Variants in MFSD12 observed in about 807,000 individuals in gnomAD.
The protein encoded by MFSD12 is major facilitator superfamily domain containing 12.
In MFSD12, 67 loss-of-function variants were observed where a neutral mutation model predicts 51.2. That is an observed-to-expected ratio of 1.31 (90% confidence interval 1.08 to 1.60). The LOEUF (loss-of-function observed/expected upper bound fraction) is 1.60, where lower values mean the gene tolerates loss of function less well. Among genes scored for constraint, MFSD12 ranks in the 40% most tolerant of loss-of-function variants. The pLI is 0.00. For synonymous variants in MFSD12, 441 were observed against 316.7 expected, an observed-to-expected ratio of 1.39 and a Z score of -4.17; for missense variants, 921 against 673.0, an observed-to-expected ratio of 1.37 and a Z score of -4.08.
At position 3,551,381 on chromosome 19, in the gene MFSD12, A is replaced by G. The variant is rs1395173535; in HGVS notation, c.299-187T>C. Among the ~76,000 whole-genome samples the G allele has an allele frequency of 3.3e-5, 5 of 152,184 alleles. No homozygotes were observed. Among genetic ancestry groups the G allele is most frequent in the Admixed American group, 2.6e-4 (4 of 15,290 alleles). ...CAGGCTTATGGCCCCTGGTGACAAA[A>G]GGGGAATCTGACACCAGGTGCCTGG... is the stretch of plus-strand genomic sequence containing the variant. On this transcript the variant is annotated intron_variant, in intron 1 of 9. Coordinates refer to ENST00000355415, the MANE Select transcript of MFSD12 (RefSeq NM_174983.5). This position sits in a 1 kb window ranked among gnomAD's most constrained non-coding sequence, Gnocchi z 4.6.
Position 3,545,915 on chromosome 19 carries a change from G to A in MFSD12, c.1289+159C>T, listed in dbSNP as rs115301116. On this transcript the variant is annotated intron_variant, in intron 8 of 9. Coordinates refer to ENST00000355415, the MANE Select transcript of MFSD12 (RefSeq NM_174983.5). ...TGAGTGAATAAACGAAGTGCTCAGT[G>A]GAAGAAAGGAAAGGTCTCCCCTGCC... 1.2e-3 allele frequency among the ~76,000 whole-genome samples: 177 copies of A among 152,328 alleles called. 1 individual carries two copies. The highest frequency in any genetic ancestry group is 4.1e-3 in the African/African-American group (171 of 41,578).
intron 6 of MFSD12, among the ~76,000 whole-genome samples, chr19:3,546,895 G>A (rs1295821574): frequency 4.6e-5 from 7 of 152,030 alleles, no homozygotes; most frequent in African/African-American, 1.7e-4. Flanking sequence ...GTGCAGTGGT[G>A]TGATCTCATC....
chr19:3,548,851 C>A (rs1188146684), intron 2 of MFSD12, among the ~76,000 whole-genome samples: 1 of 152,186 alleles, frequency 6.6e-6, no homozygotes, highest in Non-Finnish European at 1.5e-5. Context: ...CCTCAGGGGC[C>A]CTGGGCATTG....
chr19:3,541,542 C>G (rs531963434), downstream of MFSD12: 7 of 420,490 alleles, frequency 1.7e-5, no homozygotes, highest in Non-Finnish European at 2.2e-5. Flanking sequence ...AGGCTGGTCT[C>G]AAACTCCTGA....
Position 3,557,189 on chromosome 19 carries a change from C to G in MFSD12, c.215G>C (p.Cys72Ser). 3 of 1,560,828 alleles carry G rather than the reference C, an allele frequency of 1.9e-6. No individual in the cohort carries two copies. The highest frequency in any genetic ancestry group is 2.8e-5 in the African/African-American group (2 of 72,146). The change falls in exon 1 of 10, where the codon TGC becomes TCC. Residue 72 changes from cysteine to serine, a missense_variant. Transcript: ENST00000355415. ...LLLGQVADGL[C>S]TPLVGYEADR... is the part of the protein sequence containing the mutation. ...GGCCTCGTAGCCCACGAGCGGTGTG[C>G]ACAGCCCGTCGGCCACCTGGCCCAG...
Position 3,544,699 on chromosome 19 carries a change from G to A in MFSD12, c.*11C>T. On this transcript the variant is annotated 3_prime_UTR_variant, in exon 10 of 10. Transcript: ENST00000355415. ...CAGTTCCCTTGCACAGGTGCAGGAGGCTGTCAGGAGTCAGGGCCGGGCATC... is the reference window on the plus strand; with the variant it reads ...CAGTTCCCTTGCACAGGTGCAGGAGACTGTCAGGAGTCAGGGCCGGGCATC... 6.3e-7 allele frequency: 1 copy of A among 1,596,776 alleles called. No individual in the cohort carries two copies. The highest frequency in any genetic ancestry group is 8.5e-7 in the Non-Finnish European group (1 of 1,170,096).
Position 3,544,696 on chromosome 19 carries a change from G to C in MFSD12, c.*14C>G. ...CCACAGTTCCCTTGCACAGGTGCAG[G>C]AGGCTGTCAGGAGTCAGGGCCGGGC... On this transcript the variant is annotated 3_prime_UTR_variant, in exon 10 of 10. Transcript: ENST00000355415. 1.3e-6 allele frequency: 2 copies of C among 1,595,590 alleles called. No individual in the cohort carries two copies. The highest frequency in any genetic ancestry group is 1.7e-6 in the Non-Finnish European group (2 of 1,169,494).
chr19:3,542,475 C>G (rs927959813), downstream of MFSD12: 1 of 984,650 alleles, frequency 1.0e-6, no homozygotes, highest in Non-Finnish European at 1.2e-6. Context: ...CTTTGAGTCT[C>G]TTGTCTTTTT....
rs945199871 is a variant in MFSD12, at chr19:3,546,401, C to A, written c.1048G>T (p.Val350Leu). Reference sequence around the variant, plus strand: ...ACCCAGGCGGCAAAGGCCAGGATCACCAGGAGGCCTGAGAAGTAGGTCATC... The same window carrying A: ...ACCCAGGCGGCAAAGGCCAGGATCAACAGGAGGCCTGAGAAGTAGGTCATC... The part of the protein sequence containing the change: ...RNMTYFSGLL[V>L]ILAFAAWVAL... Residue 350 changes from valine to leucine, a missense_variant, in exon 7 of 10, where the codon GTG becomes TTG. Val to Leu is a conservative substitution (Grantham distance 32, BLOSUM62 1). Coordinates refer to ENST00000355415, the MANE Select transcript of MFSD12 (RefSeq NM_174983.5). 1.2e-6 allele frequency: 2 copies of A among 1,607,802 alleles called. No homozygotes were observed. The highest frequency in any genetic ancestry group is 1.7e-6 in the Non-Finnish European group (2 of 1,177,832).
intron 1 of MFSD12, 48 bp downstream of exon 1, chr19:3,557,058 G>A: frequency 2.1e-6 from 3 of 1,406,102 alleles, no homozygotes; most frequent in Non-Finnish European, 2.8e-6. Flanking sequence ...CCCGGGTCGC[G>A]GAGTCTCGGA....
chr19:3,543,973 AGCG>A, downstream of MFSD12: 1 of 1,549,310 alleles, frequency 6.5e-7, no homozygotes, highest in Non-Finnish European at 8.7e-7. Flanking sequence ...TCCACCTGCC[AGCG>A]GTCCCCGCCT....
chr19:3,547,431 G>C, intron 5 of MFSD12, 24 bp downstream of exon 5: 1 of 1,611,878 alleles, frequency 6.2e-7, no homozygotes, highest in African/African-American at 1.3e-5. Context: ...TCCCATCCCA[G>C]CGTCCCCGCC....
At chr19:3,556,572 G>T (rs1282387334) in intron 1 of MFSD12, among the ~76,000 whole-genome samples, 1 of 151,526 alleles carries the variant, frequency 6.6e-6, no homozygotes, top group Non-Finnish European at 1.5e-5. Context: ...GACAGATGGG[G>T]GAGGCACAGC....
chr19:3,542,600 A>C, downstream of MFSD12: 2 of 747,394 alleles, frequency 2.7e-6, no homozygotes, highest in Non-Finnish European at 3.3e-6. Context: ...CAGCCTCCTG[A>C]GTAGCTGGGA....
chr19:3,540,526 G>A (rs1016580953), downstream of MFSD12, among the ~76,000 whole-genome samples: 12 of 151,432 alleles, frequency 7.9e-5, no homozygotes, highest in South Asian at 2.1e-4. Flanking sequence ...AAAGTGCTGG[G>A]ATTACAGGCG....
chr19:3,557,580 A>T lies in MFSD12; in HGVS notation c.-177T>A, dbSNP rs571132740. On this transcript the variant is annotated 5_prime_UTR_variant, in exon 1 of 10. Transcript: ENST00000355415. ...GTCCGCCGCGTCCGCCCCACGCTCG[A>T]CTCTGCAGCCGCCGGGCCCCAGAGC... The T allele has an allele frequency of 1.7e-3, 448 of 256,974 alleles. 1 individual carries two copies. Among genetic ancestry groups the T allele is most frequent in the East Asian group, 8.4e-3 (78 of 9,232 alleles). 15.9% of individuals were successfully genotyped at this position (256,974 alleles called of 1,614,324 possible).
At chr19:3,554,701 G>C (rs2031648841) in intron 1 of MFSD12, among the ~76,000 whole-genome samples, 1 of 152,170 alleles carries the variant, frequency 6.6e-6, no homozygotes, top group Admixed American at 6.5e-5. Flanking sequence ...TGTGCCATCT[G>C]CCCACTCACA....
intron 4 of MFSD12, 60 bp downstream of exon 4, chr19:3,547,788 G>A (rs2031194678): frequency 1.4e-6 from 2 of 1,453,400 alleles, no homozygotes; most frequent in Non-Finnish European, 1.8e-6. Flanking sequence ...GCCCCACAGA[G>A]CAAAGGCCCT....
At chr19:3,540,223 A>G (rs1209159404), downstream of MFSD12, among the ~76,000 whole-genome samples, 2 of 149,636 alleles carry the variant, frequency 1.3e-5, no homozygotes, top group African/African-American at 4.9e-5. Context: ...CCTTCTGAGT[A>G]GCTAGGACTA....
Sources: allele counts gnomAD v4.1 joint callset (sites outside exome capture counted in the v4.1 genomes callset), GRCh38; gene constraint gnomAD v4.1.1; non-coding constraint Gnocchi (gnomAD v3.1); transcripts MANE v1.5; gene names NCBI Gene and HGNC (gene_info 2026-07-23, HGNC 2026-07-21).